PDE3A: variants seen among roughly 807,000 people sequenced by gnomAD.
PDE3A encodes cGMP-inhibited 3',5'-cyclic phosphodiesterase 3A.
A neutral mutation model predicts 98.3 loss-of-function variants in PDE3A; 43 were observed. The observed-to-expected ratio is 0.44, with a 90% CI of 0.34 to 0.56. PDE3A has a LOEUF of 0.56. PDE3A is among the 20% of genes least tolerant of loss of function. The pLI, the probability that PDE3A is intolerant of heterozygous loss-of-function variation, is 0.01. For missense variants in PDE3A, 1,427 were observed against 1,440.7 expected (o/e 0.99, Z 0.15); for synonymous variants, 663 against 567.9 (o/e 1.17, Z -2.38).
At chr12:20,483,451 A>C (rs984493567) in intron 1 of PDE3A, among the ~76,000 whole-genome samples, 4 of 152,168 alleles carry the variant, frequency 2.6e-5, no homozygotes, top group African/African-American at 2.4e-5. Flanking sequence ...CTGGCAAATG[A>C]CTTGCAAATG....
At chr12:20,508,823 A>AC (rs72509816) in intron 1 of PDE3A, among the ~76,000 whole-genome samples, 22 of 151,280 alleles carry the variant, frequency 1.5e-4, no homozygotes, top group African/African-American at 5.3e-4. Flanking sequence ...CAAAAAAAAA[A>AC]ATCTGGGTTT....
At chr12:20,600,885 G>A (rs1255041865) in intron 2 of PDE3A, among the ~76,000 whole-genome samples, 2 of 152,180 alleles carry the variant, frequency 1.3e-5, no homozygotes, top group Non-Finnish European at 2.9e-5. Context: ...TTGTTTCAAA[G>A]AACTGTCTCA....
chr12:20,491,906 G>A (rs1216222940), intron 1 of PDE3A, among the ~76,000 whole-genome samples: 1 of 152,070 alleles, frequency 6.6e-6, no homozygotes, highest in Non-Finnish European at 1.5e-5. Flanking sequence ...AAATGTTGTA[G>A]AACTATAAAA....
chr12:20,370,076 G>A lies in PDE3A; in HGVS notation c.792G>A (p.Glu264=), dbSNP rs560619865. ...YVEQILPQSA[E]AAPREHLGSQ... The stretch of plus-strand genomic sequence containing the variant: ...AACAAATCTTGCCGCAGTCCGCGGA[G>A]GCGGCTCCAAGGGAGCATTTGGGGT... Residue 264 remains glutamate, a synonymous_variant, in exon 1 of 16, where the codon GAG becomes GAA. Transcript: ENST00000359062. 27 of 1,613,080 alleles carry A rather than the reference G, an allele frequency of 1.7e-5. No homozygotes were observed. The East Asian group carries it at 5.4e-4, about 32-fold the overall frequency.
chr12:20,655,277 A>G (rs1945017256), intron 15 of PDE3A, among the ~76,000 whole-genome samples: 1 of 152,186 alleles, frequency 6.6e-6, no homozygotes, highest in South Asian at 2.1e-4. Context: ...AAAGAAAAAG[A>G]AAAGACCTGC....
At chr12:20,489,857 T>G (rs1357264269) in intron 1 of PDE3A, among the ~76,000 whole-genome samples, 1 of 152,126 alleles carries the variant, frequency 6.6e-6, no homozygotes, top group East Asian at 1.9e-4. Context: ...TTCCCACATG[T>G]TTGCTCAGGA....
chr12:20,588,335 T>TAGGATGGAAA (rs1943239534), intron 2 of PDE3A, among the ~76,000 whole-genome samples: 1 of 152,260 alleles, frequency 6.6e-6, no homozygotes, highest in East Asian at 1.9e-4. Flanking sequence ...GGGCCTTTTG[T>TAGGATGGAAA]AGGATGTTGT....
At chr12:20,517,668 C>T (rs1432899651) in intron 1 of PDE3A, among the ~76,000 whole-genome samples, 1 of 152,006 alleles carries the variant, frequency 6.6e-6, no homozygotes, top group African/African-American at 2.4e-5. Context: ...AGTGGGATCC[C>T]TGGGTTTGTT....
At chr12:20,524,996 G>C (rs1253381670) in intron 1 of PDE3A, among the ~76,000 whole-genome samples, 1 of 152,146 alleles carries the variant, frequency 6.6e-6, no homozygotes, top group Non-Finnish European at 1.5e-5. Context: ...GCCAGACATG[G>C]TGGTGCATGC....
chr12:20,586,116 G>A (rs1943190606), intron 2 of PDE3A, among the ~76,000 whole-genome samples: 1 of 152,160 alleles, frequency 6.6e-6, no homozygotes, highest in African/African-American at 2.4e-5. Context: ...GCACAAGGGG[G>A]TGTGTCTTCT....
intron 2 of PDE3A, among the ~76,000 whole-genome samples, chr12:20,604,402 CAACGTTTTAA>C (rs1943665151): frequency 6.6e-6 from 1 of 152,026 alleles, no homozygotes; most frequent in Non-Finnish European, 1.5e-5. Context: ...TCTTATATCC[CAACGTTTTAA>C]AACTCTGCTT....
chr12:20,662,410 A>C (rs1945196749), intron 15 of PDE3A, among the ~76,000 whole-genome samples: 1 of 152,134 alleles, frequency 6.6e-6, no homozygotes, highest in Non-Finnish European at 1.5e-5. Context: ...GCTGCCCAAG[A>C]ACACCTCCTG....
intron 1 of PDE3A, among the ~76,000 whole-genome samples, chr12:20,473,449 G>A (rs1432113958): frequency 2.0e-5 from 3 of 152,090 alleles, no homozygotes; most frequent in African/African-American, 2.4e-5. Context: ...GGGATTACTC[G>A]GTTGTCCTAT....
intron 2 of PDE3A, among the ~76,000 whole-genome samples, chr12:20,560,310 A>T (rs1942481618): frequency 6.6e-6 from 1 of 152,218 alleles, no homozygotes; most frequent in African/African-American, 2.4e-5. Flanking sequence ...GACTAGAAAC[A>T]AGCTGAGGAG....
At chr12:20,401,680 G>A (rs1042789638) in intron 1 of PDE3A, among the ~76,000 whole-genome samples, 22 of 152,126 alleles carry the variant, frequency 1.4e-4, no homozygotes, top group African/African-American at 4.1e-4. Context: ...CCCGTTGGAA[G>A]CTCTTTCTCC....
intron 2 of PDE3A, among the ~76,000 whole-genome samples, chr12:20,589,841 C>T (rs1023480153): frequency 1.4e-5 from 2 of 145,786 alleles, no homozygotes; most frequent in African/African-American, 5.1e-5. Context: ...TGCACTCCAG[C>T]CTGGGCGACA....
chr12:20,635,034 C>A lies in PDE3A; in HGVS notation c.1979C>A (p.Ala660Asp), dbSNP rs1565457441. 6.2e-7 allele frequency: 1 copy of A among 1,612,864 alleles called. No homozygotes were observed. Among genetic ancestry groups the A allele is most frequent in the Non-Finnish European group, 8.5e-7 (1 of 1,179,552 alleles). The change falls in exon 8 of 16, where the codon GCT (alanine) becomes GAT (aspartate). Residue 660 changes from alanine to aspartate, a missense_variant. By Grantham distance (126) the Ala-to-Asp change is moderately radical. Coordinates refer to ENST00000359062, the MANE Select transcript of PDE3A (RefSeq NM_000921.5). ...AAAGCATCGGCTTGCAGCACCTATG[C>A]TCCTGAGACCATGATGTTTCTGGTA... ...LRKASACSTY[A>D]PETMMFLDKP...
At chr12:20,678,922 A>T (rs1376911290) in intron 15 of PDE3A, among the ~76,000 whole-genome samples, 1 of 152,186 alleles carries the variant, frequency 6.6e-6, no homozygotes, top group East Asian at 1.9e-4. Context: ...GTTCCCCCTA[A>T]ATGATTTTGG....
intron 1 of PDE3A, among the ~76,000 whole-genome samples, chr12:20,482,651 A>G (rs1945652436): frequency 6.6e-6 from 1 of 152,252 alleles, no homozygotes; most frequent in African/African-American, 2.4e-5. Flanking sequence ...TAACATAAAA[A>G]GAGAAGCTGG....
Sources: allele counts gnomAD v4.1 joint callset (sites outside exome capture counted in the v4.1 genomes callset), GRCh38; gene constraint gnomAD v4.1.1; transcripts MANE v1.5; gene names NCBI Gene and HGNC (gene_info 2026-07-23, HGNC 2026-07-21).